The following ATXN1 variants were observed in gnomAD, a reference collection of about 807,000 sequenced individuals.
ATXN1 encodes the protein ataxin 1.
ATXN1 carries 8 observed loss-of-function variants against 56.4 expected under a neutral mutation model. That is an observed-to-expected ratio of 0.14 (90% CI 0.08 to 0.26). ATXN1 has a LOEUF of 0.26. Ranked by LOEUF, ATXN1 falls within the 10% of genes least tolerant of loss-of-function variation. The pLI is 1.00. For synonymous variants in ATXN1, 514 were observed against 494.6 expected (o/e 1.04, Z -0.52); for missense variants, 987 against 1,106.5 (o/e 0.89, Z 1.53).
At chr6:16,641,526 C>A (rs58701160) in intron 3 of ATXN1, among the ~76,000 whole-genome samples, 11,836 of 152,246 alleles carry the variant, frequency 0.078, 1,531 homozygotes, top group African/African-American at 0.27. Context: ...TTACTAAATA[C>A]TTTAAGCCCA....
At chr6:16,759,698 AT>A (rs200701562) in intron 1 of ATXN1, among the ~76,000 whole-genome samples, 2 of 151,020 alleles carry the variant, frequency 1.3e-5, no homozygotes, top group African/African-American at 2.4e-5. Flanking sequence ...TTAGAAACGG[AT>A]TTTTTTTTGT....
At chr6:16,753,147 A>AGG (rs761477224) in intron 2 of ATXN1, 86 bp downstream of exon 2, 90,001 of 430,188 alleles carry the variant, frequency 0.21, 11,253 homozygotes, top group East Asian at 0.61. Context: ...ACAGCCAACA[A>AGG]AGTAAGGGAG....
intron 4 of ATXN1, among the ~76,000 whole-genome samples, chr6:16,570,102 C>T (rs1762305403): frequency 6.6e-6 from 1 of 152,328 alleles, no homozygotes; most frequent in Non-Finnish European, 1.5e-5. Flanking sequence ...CATCCTTGCC[C>T]ATTGTACCAT....
chr6:16,734,456 GAAAA>G (rs1760066624), intron 2 of ATXN1, among the ~76,000 whole-genome samples: 1 of 152,144 alleles, frequency 6.6e-6, no homozygotes, highest in South Asian at 2.1e-4. Context: ...AAAAAGGAGA[GAAAA>G]CAAACAGTGA....
chr6:16,480,784 G>A (rs1482851367), intron 6 of ATXN1, among the ~76,000 whole-genome samples: 1 of 152,086 alleles, frequency 6.6e-6, no homozygotes, highest in Admixed American at 6.6e-5. Flanking sequence ...CTTCCACAAC[G>A]TCTGGGTGTT....
intron 1 of ATXN1, among the ~76,000 whole-genome samples, chr6:16,753,570 G>T (rs1415317798): frequency 2.6e-5 from 4 of 152,176 alleles, no homozygotes; most frequent in Non-Finnish European, 4.4e-5. Context: ...CATACAAAAA[G>T]GTCATCCCTT....
At chr6:16,695,146 A>C (rs1759136855) in intron 2 of ATXN1, among the ~76,000 whole-genome samples, 1 of 152,156 alleles carries the variant, frequency 6.6e-6, no homozygotes. Context: ...GCATGGTCCT[A>C]AGGCCATTAT....
At chr6:16,669,753 C>T (rs934787763) in intron 2 of ATXN1, among the ~76,000 whole-genome samples, 4 of 149,092 alleles carry the variant, frequency 2.7e-5, no homozygotes, top group East Asian at 2.0e-4. Flanking sequence ...ACATGTATCA[C>T]GGTGGTTTGT....
At position 16,499,713 on chromosome 6, in the gene ATXN1, G is replaced by A. The variant is rs536545990; in HGVS notation, c.-298-13604C>T. ...TTAATAAACTAATTCATGCCAAATC[G>A]TGTATAACCAAGAGAAATAATAGAC... On this transcript the variant is annotated intron_variant, in intron 5 of 7. Transcript: ENST00000436367. 5.7e-4 allele frequency among the ~76,000 whole-genome samples: 87 copies of A among 152,234 alleles called. 1 individual carries two copies. Among genetic ancestry groups the A allele is most frequent in the Admixed American group, 5.0e-3 (77 of 15,284 alleles).
At chr6:16,725,067 G>A (rs1759819846) in intron 2 of ATXN1, among the ~76,000 whole-genome samples, 1 of 152,324 alleles carries the variant, frequency 6.6e-6, no homozygotes. Flanking sequence ...CAGGTCAGAT[G>A]ACTAAAACTA....
At chr6:16,322,286 AGAGAG>A (rs1172753195) in intron 7 of ATXN1, among the ~76,000 whole-genome samples, 1 of 152,190 alleles carries the variant, frequency 6.6e-6, no homozygotes, top group Non-Finnish European at 1.5e-5. Context: ...TGCCTGGTTT[AGAGAG>A]GAGAGTGCTG....
At chr6:16,475,342 A>G (rs979036897) in intron 6 of ATXN1, among the ~76,000 whole-genome samples, 3 of 152,230 alleles carry the variant, frequency 2.0e-5, no homozygotes, top group African/African-American at 7.2e-5. Context: ...AAATGTCTCT[A>G]CAACAAAGAG....
rs1561853077 is a variant in ATXN1 at position 16,327,687 on chromosome 6, C to CTGCTGCTGA, written c.623_624insTCAGCAGCA (p.Gln207_Gln208insHisGlnGln). On this transcript the variant is annotated inframe_insertion, in exon 7 of 8. Coordinates refer to ENST00000436367, the MANE Select transcript of ATXN1 (RefSeq NM_001128164.2). ...GCTGCTGCTGCTGCTGATGCTGATG[C>CTGCTGCTGA]TGCTGCTGCTGCTGCTGCTGCTGCT... 1.6e-5 allele frequency: 20 copies of CTGCTGCTGA among 1,230,776 alleles called. No individual in the cohort carries two copies. The East Asian group carries it at 6.6e-4, about 40-fold the overall frequency. 76.2% of individuals were successfully genotyped at this position (1,230,776 alleles called of 1,614,324 possible).
intron 6 of ATXN1, among the ~76,000 whole-genome samples, chr6:16,366,722 A>C (rs996824384): frequency 1.5e-5 from 2 of 133,044 alleles, no homozygotes; most frequent in Non-Finnish European, 3.3e-5. Flanking sequence ...TGGAGGTTGC[A>C]GTGAGCCGAG....
chr6:16,316,607 C>G (rs924338464), intron 7 of ATXN1, among the ~76,000 whole-genome samples: 1 of 151,926 alleles, frequency 6.6e-6, no homozygotes, highest in Admixed American at 6.6e-5. Context: ...ATTAGCCAGG[C>G]GTGGGAGCAG....
intron 2 of ATXN1, among the ~76,000 whole-genome samples, chr6:16,732,313 G>A (rs1399522095): frequency 1.3e-5 from 2 of 152,156 alleles, no homozygotes; most frequent in African/African-American, 4.8e-5. Flanking sequence ...GCTCACGCCT[G>A]TAATCCCAGC....
chr6:16,633,769 A>G (rs1257933595), intron 3 of ATXN1, among the ~76,000 whole-genome samples: 1 of 152,230 alleles, frequency 6.6e-6, no homozygotes, highest in Non-Finnish European at 1.5e-5. Context: ...TAGAAAGTGA[A>G]GCAATGATAG....
At chr6:16,436,186 C>T (rs1175246909) in intron 6 of ATXN1, among the ~76,000 whole-genome samples, 3 of 152,196 alleles carry the variant, frequency 2.0e-5, no homozygotes, top group African/African-American at 7.2e-5. Flanking sequence ...GCGTGAGCCA[C>T]CACACCTGGC....
intron 3 of ATXN1, among the ~76,000 whole-genome samples, chr6:16,635,563 C>G (rs1763581108): frequency 6.6e-6 from 1 of 152,184 alleles, no homozygotes; most frequent in Non-Finnish European, 1.5e-5. Context: ...AAGTAGCAAC[C>G]TGACAAGGGC....
Sources: gnomAD v4.1 joint callset for allele counts (sites outside exome capture counted in the v4.1 genomes callset) on GRCh38, gnomAD v4.1.1 for gene constraint, MANE v1.5 for transcripts, NCBI Gene and HGNC (gene_info 2026-07-23, HGNC 2026-07-21) for gene names.